MAGI2: variants seen among roughly 807,000 people sequenced by gnomAD.
MAGI2 encodes membrane associated guanylate kinase, WW and PDZ domain containing 2.
MAGI2 carries 35 observed loss-of-function variants against 133.3 expected under a neutral mutation model. That is an observed-to-expected ratio of 0.26 (90% CI 0.20 to 0.35). The LOEUF is 0.35. Ranked by LOEUF, MAGI2 falls within the 10% of genes least tolerant of loss-of-function variation. The pLI, the probability that MAGI2 is intolerant of heterozygous loss-of-function variation, is 1.00. For missense variants in MAGI2, 1,636 were observed against 1,863.4 expected (o/e 0.88, Z 2.25); for synonymous variants, 729 against 710.6 (o/e 1.03, Z -0.41).
At chr7:78,356,127 G>A (rs1318618962) in intron 7 of MAGI2, among the ~76,000 whole-genome samples, 2 of 152,136 alleles carry the variant, frequency 1.3e-5, no homozygotes, top group East Asian at 1.9e-4. Context: ...TACTGACTCT[G>A]GAAGTTGAGG....
At chr7:78,649,237 A>AAAAAAAAAAAAAAAAAAAAAAAAAAAAG (rs1563294737) in intron 2 of MAGI2, among the ~76,000 whole-genome samples, 1 of 65,476 alleles carries the variant, frequency 1.5e-5, no homozygotes, top group East Asian at 3.2e-4. Context: ...AAAAAAAAAG[A>AAAAAAAAAAAAAAAAAAAAAAAAAAAAG]AAAAAAAAGA....
chr7:79,156,346 A>T (rs1167889274), intron 1 of MAGI2, among the ~76,000 whole-genome samples: 1 of 152,082 alleles, frequency 6.6e-6, no homozygotes, highest in Non-Finnish European at 1.5e-5. Context: ...GCTGTTAAAG[A>T]ACTAGATCTT....
At chr7:79,167,849 C>A (rs1265335043) in intron 1 of MAGI2, among the ~76,000 whole-genome samples, 1 of 152,130 alleles carries the variant, frequency 6.6e-6, no homozygotes, top group Non-Finnish European at 1.5e-5. Context: ...AGCACTGTGA[C>A]ATGTTCATGA....
chr7:78,870,242 G>A (rs879768094), intron 2 of MAGI2, among the ~76,000 whole-genome samples: 4 of 151,866 alleles, frequency 2.6e-5, no homozygotes, highest in African/African-American at 7.3e-5. Context: ...AGCTACTTGG[G>A]AGGCTGGGGT....
At chr7:78,377,164 T>A (rs1794518925) in intron 6 of MAGI2, among the ~76,000 whole-genome samples, 1 of 152,084 alleles carries the variant, frequency 6.6e-6, no homozygotes, top group African/African-American at 2.4e-5. Flanking sequence ...ACAGTAAATA[T>A]CTACTAAGAG....
At chr7:78,601,966 G>T (rs1805253426) in intron 3 of MAGI2, among the ~76,000 whole-genome samples, 1 of 152,010 alleles carries the variant, frequency 6.6e-6, no homozygotes, top group African/African-American at 2.4e-5. Context: ...GAGTCTATTA[G>T]GTTTGAACAT....
At chr7:78,649,236 G>GAAAAAAAAAAAAAAAAAAAAAATA (rs3085451) in intron 2 of MAGI2, among the ~76,000 whole-genome samples, 1 of 88,188 alleles carries the variant, frequency 1.1e-5, no homozygotes, top group Non-Finnish European at 2.1e-5. Context: ...AAAAAAAAAA[G>GAAAAAAAAAAAAAAAAAAAAAATA]AAAAAAAAAG....
intron 2 of MAGI2, among the ~76,000 whole-genome samples, chr7:78,773,615 T>C (rs1443694049): frequency 6.6e-6 from 1 of 152,096 alleles, no homozygotes; most frequent in Non-Finnish European, 1.5e-5. Context: ...CAAAGTGCTA[T>C]GGAGTGTCAG....
At chr7:78,631,002 C>G (rs1173004617) in intron 2 of MAGI2, among the ~76,000 whole-genome samples, 1 of 152,130 alleles carries the variant, frequency 6.6e-6, no homozygotes, top group South Asian at 2.1e-4. Context: ...GACCCCATGT[C>G]TATTTTTGTG....
intron 1 of MAGI2, among the ~76,000 whole-genome samples, chr7:79,306,176 AATATATATACACAT>A (rs1837774185): frequency 6.9e-6 from 1 of 145,840 alleles, no homozygotes; most frequent in Admixed American, 6.9e-5. Context: ...CTGGTTTTAA[AATATATATACACAT>A]ATATATATAC....
intron 1 of MAGI2, among the ~76,000 whole-genome samples, chr7:79,195,153 G>T (rs1827977106): frequency 6.6e-6 from 1 of 151,834 alleles, no homozygotes; most frequent in Admixed American, 6.6e-5. Flanking sequence ...GAGACGATGT[G>T]GTCACCTAGC....
intron 1 of MAGI2, among the ~76,000 whole-genome samples, chr7:79,029,713 C>A (rs1270493872): frequency 1.3e-5 from 2 of 152,014 alleles, no homozygotes; most frequent in African/African-American, 4.8e-5. Flanking sequence ...AAAATATTAC[C>A]TGTTTCAAAG....
intron 1 of MAGI2, among the ~76,000 whole-genome samples, chr7:79,040,669 C>T (rs1225914031): frequency 6.6e-6 from 1 of 152,124 alleles, no homozygotes; most frequent in Non-Finnish European, 1.5e-5. Context: ...TCATGCTGTT[C>T]TCATGATAGT....
At chr7:78,303,981 C>T (rs983772530) in intron 9 of MAGI2, among the ~76,000 whole-genome samples, 6 of 152,218 alleles carry the variant, frequency 3.9e-5, no homozygotes, top group Non-Finnish European at 7.3e-5. Flanking sequence ...CTATTCCTTT[C>T]ATAGTCTTTC....
chr7:78,599,524 C>T (rs779617837), intron 3 of MAGI2, among the ~76,000 whole-genome samples: 1 of 152,052 alleles, frequency 6.6e-6, no homozygotes, highest in East Asian at 1.9e-4. Flanking sequence ...TAGGCAAGTT[C>T]GGATTAACAG....
At chr7:79,167,121 T>C (rs945143790) in intron 1 of MAGI2, among the ~76,000 whole-genome samples, 1 of 151,084 alleles carries the variant, frequency 6.6e-6, no homozygotes, top group African/African-American at 2.4e-5. Flanking sequence ...TACCTTACTA[T>C]ACATGCAGAT....
intron 6 of MAGI2, among the ~76,000 whole-genome samples, chr7:78,482,463 A>C (rs1198386209): frequency 1.3e-5 from 2 of 151,928 alleles, no homozygotes; most frequent in Non-Finnish European, 2.9e-5. Flanking sequence ...TAGCAGCTTT[A>C]TTCATTCATA....
intron 2 of MAGI2, among the ~76,000 whole-genome samples, chr7:78,868,046 T>G (rs1323323083): frequency 6.6e-6 from 1 of 151,996 alleles, no homozygotes; most frequent in Non-Finnish European, 1.5e-5. Flanking sequence ...GCAACTAAAA[T>G]TCAAAGCAGA....
intron 10 of MAGI2, among the ~76,000 whole-genome samples, chr7:78,248,921 A>G (rs1792083345): frequency 2.0e-5 from 3 of 152,122 alleles, no homozygotes; most frequent in Non-Finnish European, 4.4e-5. Flanking sequence ...AACAACCTCC[A>G]AAATAGGAGA....
Sources: gnomAD v4.1 joint callset for allele counts (sites outside exome capture counted in the v4.1 genomes callset) on GRCh38, gnomAD v4.1.1 for gene constraint, MANE v1.5 for transcripts, NCBI Gene and HGNC (gene_info 2026-07-23, HGNC 2026-07-21) for gene names.